The following KIF6 variants were observed in gnomAD, a reference collection of about 807,000 sequenced individuals.
KIF6 encodes the protein kinesin family member 6.
A neutral mutation model predicts 112.7 loss-of-function variants in KIF6; 106 were observed. That is an observed-to-expected ratio of 0.94 (90% CI 0.80 to 1.11). The LOEUF (loss-of-function observed/expected upper bound fraction) is 1.11, where lower values mean the gene tolerates loss of function less well. Among genes scored for constraint, KIF6 ranks in the 50% least tolerant of loss-of-function variants. The pLI is 0.00. For missense variants in KIF6, 929 were observed against 964.0 expected (o/e 0.96, Z 0.48); for synonymous variants, 339 against 339.9 (o/e 1.00, Z 0.03).
intron 15 of KIF6, among the ~76,000 whole-genome samples, chr6:39,390,314 T>C (rs969283035): frequency 1.3e-5 from 2 of 152,124 alleles, no homozygotes; most frequent in African/African-American, 2.4e-5. Context: ...GGATACTACA[T>C]GGTTAAGATG....
At chr6:39,426,540 G>T (rs1051045479) in intron 14 of KIF6, among the ~76,000 whole-genome samples, 1 of 152,152 alleles carries the variant, frequency 6.6e-6, no homozygotes, top group East Asian at 1.9e-4. Context: ...GATCATTTGA[G>T]CCCAGGAGTT....
chr6:39,556,952 A>C (rs1779736323), intron 10 of KIF6, among the ~76,000 whole-genome samples: 1 of 152,136 alleles, frequency 6.6e-6, no homozygotes, highest in Non-Finnish European at 1.5e-5. Context: ...TTTGTAGACA[A>C]CATTGAAGTT....
intron 13 of KIF6, among the ~76,000 whole-genome samples, chr6:39,468,976 T>G (rs1773966760): frequency 6.6e-6 from 1 of 151,968 alleles, no homozygotes; most frequent in Non-Finnish European, 1.5e-5. Context: ...CCTGGAGTAA[T>G]GAAATGACAC....
intron 3 of KIF6, among the ~76,000 whole-genome samples, chr6:39,650,179 C>A (rs1396690529): frequency 6.6e-6 from 1 of 152,140 alleles, no homozygotes; most frequent in African/African-American, 2.4e-5. Context: ...TCCAAACAGC[C>A]CCTCTTAAAG....
rs1554195028 is a variant in KIF6, at chr6:39,337,155, T to TTTCTTTCTTTCTTTCTTTC, written c.2429-608_2429-607insGAAAGAAAGAAAGAAAGAA. On this transcript the variant is annotated intron_variant, in intron 22 of 22. Transcript: ENST00000287152. ...TCCTTCCTTCCTTCCTTTCTCTTTC[T>TTTCTTTCTTTCTTTCTTTC]TTTCTTTCTTTCCTTCCTTCTTTCT... 5.6e-5 allele frequency among the ~76,000 whole-genome samples: 3 copies of TTTCTTTCTTTCTTTCTTTC among 53,674 alleles called. 1 individual carries two copies. The highest frequency in any genetic ancestry group is 1.0e-4 in the Non-Finnish European group (3 of 29,938). 35.2% of individuals were successfully genotyped at this position (53,674 alleles called of 152,430 possible). A position where few individuals can be genotyped will look rare whatever the true frequency, so the allele number is the denominator to read the frequency against.
intron 3 of KIF6, among the ~76,000 whole-genome samples, chr6:39,651,917 A>G (rs1421540650): frequency 6.6e-6 from 1 of 152,188 alleles, no homozygotes; most frequent in African/African-American, 2.4e-5. Context: ...GGATCAGGAA[A>G]AAGGAACAGA....
intron 13 of KIF6, among the ~76,000 whole-genome samples, chr6:39,444,546 C>T (rs894350803): frequency 6.6e-6 from 1 of 152,096 alleles, no homozygotes; most frequent in African/African-American, 2.4e-5. Flanking sequence ...ATCTTAAGAT[C>T]TCTTTTAGCA....
chr6:39,501,757 T>C (rs915824963), intron 13 of KIF6, among the ~76,000 whole-genome samples: 25 of 152,146 alleles, frequency 1.6e-4, no homozygotes, highest in African/African-American at 3.6e-4. Context: ...GCTTCTGGAT[T>C]AAGACAGGCA....
At chr6:39,357,448 CTTT>C (rs552350303) in intron 18 of KIF6, 74 bp from the exon 19 acceptor site, 9,092 of 536,372 alleles carry the variant, frequency 0.017, no homozygotes, top group East Asian at 0.023. Flanking sequence ...TGATGTAATT[CTTT>C]TTTTTTTTTT....
intron 5 of KIF6, among the ~76,000 whole-genome samples, chr6:39,626,984 C>G (rs556351927): frequency 1.4e-4 from 21 of 152,238 alleles, no homozygotes; most frequent in African/African-American, 4.8e-4. Flanking sequence ...CAGTCCTACA[C>G]ACTACTAACT....
rs141822666 is a variant in KIF6, at chr6:39,505,965, G to A, written c.1645+34038C>T. On this transcript the variant is annotated intron_variant, in intron 13 of 22. Coordinates refer to ENST00000287152, the MANE Select transcript of KIF6 (RefSeq NM_145027.6). ...TGTAGCAATTCCTCAAAGACCTAGA[G>A]GTAGAAATACCATTTGATCCAGCAA... Among the ~76,000 whole-genome samples, 400 of 152,166 alleles carry A rather than the reference G, an allele frequency of 2.6e-3. 2 individuals carry two copies. The highest frequency in any genetic ancestry group is 8.6e-3 in the African/African-American group (356 of 41,522).
At chr6:39,484,098 T>G (rs537841152) in intron 13 of KIF6, among the ~76,000 whole-genome samples, 1 of 152,322 alleles carries the variant, frequency 6.6e-6, no homozygotes, top group Non-Finnish European at 1.5e-5. Flanking sequence ...AGGAACTTAC[T>G]GCTGCCATCA....
intron 3 of KIF6, among the ~76,000 whole-genome samples, chr6:39,652,290 G>C (rs1014423873): frequency 6.6e-6 from 1 of 152,052 alleles, no homozygotes; most frequent in Non-Finnish European, 1.5e-5. Flanking sequence ...AGCACTTTGG[G>C]AGGCCAAGCA....
chr6:39,485,432 T>C (rs373440361), intron 13 of KIF6, among the ~76,000 whole-genome samples: 4 of 152,286 alleles, frequency 2.6e-5, no homozygotes, highest in South Asian at 4.1e-4. Context: ...TATTTGCTTC[T>C]TTGATTGCTA....
intron 5 of KIF6, among the ~76,000 whole-genome samples, 165 bp downstream of exon 5, chr6:39,634,684 A>C (rs2150758011): frequency 6.6e-6 from 1 of 152,086 alleles, no homozygotes; most frequent in Non-Finnish European, 1.5e-5. Flanking sequence ...ACTACTGTCC[A>C]TTTGTCATAA....
At position 39,657,784 on chromosome 6, in the gene KIF6, C is replaced by G. The variant is rs190089026; in HGVS notation, c.252-18027G>C. On this transcript the variant is annotated intron_variant, in intron 3 of 22. Transcript: ENST00000287152. ...GTGCACATAGGTATTTAGTAGTCTG[C>G]AATGTTAAGATAGCCTGCACTCACA... Among the ~76,000 whole-genome samples, 737 of 152,254 alleles carry G rather than the reference C, an allele frequency of 4.8e-3. 7 individuals carry two copies. Among genetic ancestry groups the G allele is most frequent in the Middle Eastern group, 0.048 (14 of 294 alleles).
intron 13 of KIF6, among the ~76,000 whole-genome samples, chr6:39,491,331 G>A (rs1195835868): frequency 6.6e-6 from 1 of 152,008 alleles, no homozygotes; most frequent in Non-Finnish European, 1.5e-5. Context: ...AGAGATAACA[G>A]ACAACTCCAA....
At chr6:39,564,382 T>C (rs1405680692) in intron 10 of KIF6, among the ~76,000 whole-genome samples, 1 of 152,058 alleles carries the variant, frequency 6.6e-6, no homozygotes, top group Non-Finnish European at 1.5e-5. Context: ...AAAGAGTACT[T>C]TGAGGAATAG....
At chr6:39,666,099 T>C (rs1378680531) in intron 3 of KIF6, among the ~76,000 whole-genome samples, 1 of 152,216 alleles carries the variant, frequency 6.6e-6, no homozygotes, top group Non-Finnish European at 1.5e-5. Flanking sequence ...AGGCAAATCA[T>C]GCATTTTTAA....
Sources: gnomAD v4.1 joint callset for allele counts (sites outside exome capture counted in the v4.1 genomes callset) on GRCh38, gnomAD v4.1.1 for gene constraint, MANE v1.5 for transcripts, NCBI Gene and HGNC (gene_info 2026-07-23, HGNC 2026-07-21) for gene names.